The following PHLPP1 variants were observed in gnomAD, a reference collection of about 807,000 sequenced individuals.
PHLPP1 encodes PH domain leucine-rich repeat-containing protein phosphatase 1.
PHLPP1 carries 42 observed loss-of-function variants against 117.2 expected under a neutral mutation model. The observed-to-expected ratio is 0.36, with a 90% CI of 0.28 to 0.46. The LOEUF (loss-of-function observed/expected upper bound fraction) is 0.46, where lower values mean the gene tolerates loss of function less well. PHLPP1 is among the 20% of genes least tolerant of loss of function. PHLPP1 has a pLI of 1.00. For synonymous variants in PHLPP1, 1,042 were observed against 970.7 expected (o/e 1.07, Z -1.37); for missense variants, 2,084 against 2,241.9 (o/e 0.93, Z 1.42).
At chr18:62,743,292 C>CTT (rs71340110) in intron 1 of PHLPP1, among the ~76,000 whole-genome samples, 5 of 143,198 alleles carry the variant, frequency 3.5e-5, no homozygotes, top group African/African-American at 1.0e-4. Flanking sequence ...TTAAAAACAG[C>CTT]TTTTTTTTTT....
chr18:62,746,487 T>A (rs1911677144), intron 1 of PHLPP1, among the ~76,000 whole-genome samples: 1 of 152,256 alleles, frequency 6.6e-6, no homozygotes, highest in Non-Finnish European at 1.5e-5. Flanking sequence ...AGATGAACAC[T>A]ATTTGAATGA....
At chr18:62,735,169 C>G (rs1014676686) in intron 1 of PHLPP1, among the ~76,000 whole-genome samples, 5 of 151,974 alleles carry the variant, frequency 3.3e-5, no homozygotes, top group Non-Finnish European at 5.9e-5. Context: ...CTCAGCCTCC[C>G]TAGTGGCTGG....
At chr18:62,913,739 C>CTTTTTTTT (rs398033174) in intron 8 of PHLPP1, among the ~76,000 whole-genome samples, 2 of 100,748 alleles carry the variant, frequency 2.0e-5, no homozygotes, top group Admixed American at 1.2e-4. Context: ...CTCTCTCTCT[C>CTTTTTTTT]TTTTTTTTTT....
chr18:62,769,442 G>T lies in PHLPP1; in HGVS notation c.1576+52183G>T, dbSNP rs79574335. Among the ~76,000 whole-genome samples the T allele has an allele frequency of 3.2e-4, 48 of 152,264 alleles. No homozygotes were observed. The East Asian group carries it at 8.7e-3, about 28-fold the overall frequency. ...AGATGTGATTGCTGTGGGGAGGGAG[G>T]ATAAACAACTTTAAACAAACTCTTG... On this transcript the variant is annotated intron_variant, in intron 1 of 16. Coordinates refer to ENST00000262719, the MANE Select transcript of PHLPP1 (RefSeq NM_194449.4).
rs1200647735 is a variant in PHLPP1, at chr18:62,872,050, G to A, written c.2066+11449G>A. 2.6e-5 allele frequency among the ~76,000 whole-genome samples: 4 copies of A among 152,208 alleles called. No individual in the cohort carries two copies. In the East Asian group the frequency reaches 7.7e-4, roughly 29 times the overall value. On this transcript the variant is annotated intron_variant, in intron 4 of 16. Coordinates refer to ENST00000262719, the MANE Select transcript of PHLPP1 (RefSeq NM_194449.4). ...ATATAGAGGAGGCAAAACTTTACCC[G>A]TACCCTCTAAAAGCCTCCACCTGGT...
intron 1 of PHLPP1, among the ~76,000 whole-genome samples, chr18:62,797,018 C>G (rs187593466): frequency 1.3e-5 from 2 of 152,176 alleles, no homozygotes; most frequent in Admixed American, 6.5e-5. Flanking sequence ...AAATATTGCC[C>G]AAGTGAGATA....
chr18:62,866,218 A>C (rs1432376500), intron 4 of PHLPP1, among the ~76,000 whole-genome samples: 1 of 151,132 alleles, frequency 6.6e-6, no homozygotes, highest in Non-Finnish European at 1.5e-5. Context: ...GAAAAATGAG[A>C]GGCCAAAACG....
At chr18:62,919,931 T>G (rs1599121010) in intron 9 of PHLPP1, 28 bp from the exon 10 acceptor site, 1 of 1,535,226 alleles carries the variant, frequency 6.5e-7, no homozygotes, top group East Asian at 2.4e-5. Flanking sequence ...CTTTTTCATT[T>G]TTTGGTCTTT....
intron 3 of PHLPP1, among the ~76,000 whole-genome samples, chr18:62,843,834 G>T (rs868646951): frequency 6.6e-6 from 1 of 152,142 alleles, no homozygotes; most frequent in Non-Finnish European, 1.5e-5. Flanking sequence ...TAACAAGAAC[G>T]TGCAGAAGAG....
chr18:62,789,098 G>T (rs1159641621), intron 1 of PHLPP1, among the ~76,000 whole-genome samples: 1 of 152,146 alleles, frequency 6.6e-6, no homozygotes, highest in Non-Finnish European at 1.5e-5. Context: ...AATAAACCAG[G>T]CAGGGAGAAC....
At chr18:62,838,642 A>G (rs1914973248) in intron 2 of PHLPP1, 142 bp from the exon 3 acceptor site, 5 of 681,766 alleles carry the variant, frequency 7.3e-6, no homozygotes, top group Non-Finnish European at 1.2e-5. Context: ...CATATGCAGG[A>G]ACTTAGTTCT....
intron 8 of PHLPP1, among the ~76,000 whole-genome samples, chr18:62,913,581 G>A (rs1265097883): frequency 6.6e-6 from 1 of 152,032 alleles, no homozygotes; most frequent in African/African-American, 2.4e-5. Context: ...TGTACGTACT[G>A]TTTGAAATTC....
intron 1 of PHLPP1, among the ~76,000 whole-genome samples, chr18:62,781,497 C>G (rs558818645): frequency 4.6e-5 from 7 of 152,300 alleles, no homozygotes; most frequent in African/African-American, 1.7e-4. Flanking sequence ...CCACATCAGG[C>G]CTTTCCTGCC....
chr18:62,825,770 T>G (rs1368879372), intron 1 of PHLPP1, among the ~76,000 whole-genome samples: 3 of 152,120 alleles, frequency 2.0e-5, no homozygotes, highest in Admixed American at 6.6e-5. Flanking sequence ...CATTTTTAAT[T>G]ATAGCAATTA....
intron 10 of PHLPP1, among the ~76,000 whole-genome samples, chr18:62,937,576 A>T (rs1158885177): frequency 6.6e-6 from 1 of 152,226 alleles, no homozygotes; most frequent in African/African-American, 2.4e-5. Context: ...CTTGAGACTG[A>T]TGAAATCCGA....
At chr18:62,735,107 C>A (rs1158978614) in intron 1 of PHLPP1, among the ~76,000 whole-genome samples, 1 of 149,480 alleles carries the variant, frequency 6.7e-6, no homozygotes, top group African/African-American at 2.5e-5. Context: ...TGTAGTGGTG[C>A]GATTTCCACT....
intron 4 of PHLPP1, among the ~76,000 whole-genome samples, chr18:62,883,882 CAT>C (rs1398405363): frequency 3.3e-5 from 5 of 152,310 alleles, no homozygotes; most frequent in African/African-American, 9.6e-5. Flanking sequence ...TTTGCCATCA[CAT>C]GAGTCAATTA....
intron 8 of PHLPP1, among the ~76,000 whole-genome samples, chr18:62,911,136 TTA>T: frequency 4.5e-5 from 1 of 22,200 alleles, no homozygotes; most frequent in African/African-American, 1.8e-4. Flanking sequence ...CTTACACCTT[TTA>T]CAAAAATCAA....
chr18:62,893,934 G>A (rs1225074391), intron 4 of PHLPP1, among the ~76,000 whole-genome samples: 3 of 152,206 alleles, frequency 2.0e-5, no homozygotes, highest in South Asian at 2.1e-4. Flanking sequence ...GGCTGGAAAT[G>A]TGGGGTAGCT....
Sources: gnomAD v4.1 joint callset for allele counts (sites outside exome capture counted in the v4.1 genomes callset) on GRCh38, gnomAD v4.1.1 for gene constraint, MANE v1.5 for transcripts, NCBI Gene and HGNC (gene_info 2026-07-23, HGNC 2026-07-21) for gene names.